Variants in YTHDC2 observed in about 807,000 individuals in gnomAD.
The protein encoded by YTHDC2 is 3'-5' RNA helicase YTHDC2.
A neutral mutation model predicts 174.9 loss-of-function variants in YTHDC2; 45 were observed. The observed-to-expected ratio is 0.26, with a 90% CI of 0.20 to 0.33. The LOEUF is 0.33. YTHDC2 is among the 10% of genes least tolerant of loss of function. YTHDC2 has a pLI of 1.00. For missense variants in YTHDC2, 1,650 were observed against 1,723.7 expected (o/e 0.96, Z 0.76); for synonymous variants, 657 against 574.5 (o/e 1.14, Z -2.05).
At chr5:113,551,674 G>A (rs1383646922) in intron 12 of YTHDC2, among the ~76,000 whole-genome samples, 1 of 152,110 alleles carries the variant, frequency 6.6e-6, no homozygotes, top group Non-Finnish European at 1.5e-5. Flanking sequence ...GTTGATGGGT[G>A]CAGCAAACTA....
At chr5:113,561,957 G>GGTGGGTGGGTGTGTGTGTGTGTGT (rs1347716150) in intron 18 of YTHDC2, among the ~76,000 whole-genome samples, 2 of 134,872 alleles carry the variant, frequency 1.5e-5, no homozygotes, top group Non-Finnish European at 3.1e-5. Flanking sequence ...ATTAATTGTG[G>GGTGGGTGGGTGTGTGTGTGTGTGT]GTGTGTGTGT....
rs1779041625 is a variant in YTHDC2, at chr5:113,592,189, G to C, written c.4212+11G>C. The C allele has an allele frequency of 1.3e-6, 2 of 1,516,232 alleles. No individual in the cohort carries two copies. The highest frequency in any genetic ancestry group is 1.8e-6 in the Non-Finnish European group (2 of 1,141,492). 93.9% of individuals were successfully genotyped at this position (1,516,232 alleles called of 1,614,324 possible). On this transcript the variant is annotated intron_variant, in intron 28 of 29. Coordinates refer to ENST00000161863, the MANE Select transcript of YTHDC2 (RefSeq NM_022828.5). ...AGCAGGGATGGGCAGGTATACAATG[G>C]CATTTTTTTTTTTATTTACTTTTGT... is the stretch of plus-strand genomic sequence containing the variant.
At chr5:113,529,577 G>T (rs1422095828) in intron 4 of YTHDC2, among the ~76,000 whole-genome samples, 1 of 152,034 alleles carries the variant, frequency 6.6e-6, no homozygotes, top group Non-Finnish European at 1.5e-5. Context: ...TTATCAAGCT[G>T]ATAAGCTTGA....
At chr5:113,567,536 TG>T in intron 22 of YTHDC2, 117 bp from the exon 23 acceptor site, 10 of 866,134 alleles carry the variant, frequency 1.2e-5, no homozygotes, top group Non-Finnish European at 1.5e-5. Context: ...TTTTAATTTT[TG>T]CTTACGTACT....
intron 1 of YTHDC2, chr5:113,514,371 C>G: frequency 3.2e-6 from 2 of 630,802 alleles, no homozygotes; most frequent in Non-Finnish European, 3.0e-6. Flanking sequence ...GTTAAGCCAC[C>G]GTGTTTCAGA....
At chr5:113,567,964 G>A in intron 23 of YTHDC2, 115 bp downstream of exon 23, 1 of 799,284 alleles carries the variant, frequency 1.3e-6, no homozygotes, top group Non-Finnish European at 1.8e-6. Context: ...TATAGTAGCA[G>A]CTCTATTTTG....
At chr5:113,593,143 C>T in intron 28 of YTHDC2, 160 bp from the exon 29 acceptor site, 1 of 496,192 alleles carries the variant, frequency 2.0e-6, no homozygotes, top group East Asian at 3.0e-5. Flanking sequence ...AACCTTAAAG[C>T]AAAGAATTAG....
chr5:113,586,067 T>C (rs764788330), intron 26 of YTHDC2, among the ~76,000 whole-genome samples: 4 of 152,084 alleles, frequency 2.6e-5, no homozygotes, highest in Non-Finnish European at 5.9e-5. Context: ...ATATTTAGCT[T>C]TACAAGAAAC....
At chr5:113,556,540 T>C (rs1342382740) in intron 17 of YTHDC2, among the ~76,000 whole-genome samples, 2 of 152,218 alleles carry the variant, frequency 1.3e-5, no homozygotes, top group South Asian at 4.1e-4. Flanking sequence ...GTCCTACTAA[T>C]ACATTAACCT....
rs1778403147 is a variant in YTHDC2 at position 113,581,548 on chromosome 5, T to C, written c.3486T>C (p.Thr1162=). The C allele has an allele frequency of 5.0e-6, 8 of 1,613,916 alleles. No individual in the cohort carries two copies. The highest frequency in any genetic ancestry group is 6.8e-6 in the Non-Finnish European group (8 of 1,179,908). ...TIRAIIAVLS[T]EEQSAGLQQP... The stretch of plus-strand genomic sequence containing the variant: ...GAGCAATTATAGCTGTTTTAAGCAC[T>C]GAAGAACAGTCTGCAGGTTTACAAC... Residue 1162 remains threonine (T), a synonymous_variant, in exon 25 of 30, where the codon ACT becomes ACC. Transcript: ENST00000161863.
At chr5:113,563,273 C>G in intron 18 of YTHDC2, 100 bp from the exon 19 acceptor site, 1 of 974,710 alleles carries the variant, frequency 1.0e-6, no homozygotes, top group Non-Finnish European at 1.5e-6. Context: ...AGAGACTCTA[C>G]TAGTCTGTGT....
chr5:113,581,208 A>G lies in YTHDC2; in HGVS notation c.3355-209A>G, dbSNP rs1580640079. Reference sequence around the variant, plus strand: ...TGTTTACTGTCTTTCTTATTAGACTATTTAATTTGATTTTGTGTCTTAGTG... The same window carrying G: ...TGTTTACTGTCTTTCTTATTAGACTGTTTAATTTGATTTTGTGTCTTAGTG... On this transcript the variant is annotated intron_variant, in intron 24 of 29. Coordinates refer to ENST00000161863, the MANE Select transcript of YTHDC2 (RefSeq NM_022828.5). 3 of 430,976 alleles carry G rather than the reference A, an allele frequency of 7.0e-6. No homozygotes were observed. The East Asian group carries it at 1.1e-4, about 16-fold the overall frequency. The allele number at this position is 430,976 out of a possible 1,614,324, so 26.7% of individuals were successfully genotyped here.
At chr5:113,573,541 G>T (rs531441096) in intron 23 of YTHDC2, among the ~76,000 whole-genome samples, 1 of 152,056 alleles carries the variant, frequency 6.6e-6, no homozygotes, top group South Asian at 2.1e-4. Flanking sequence ...GGAAGTTCTG[G>T]ATGATATCCT....
intron 10 of YTHDC2, among the ~76,000 whole-genome samples, chr5:113,545,531 A>C (rs1327340993): frequency 1.3e-4 from 19 of 151,684 alleles, no homozygotes; most frequent in Admixed American, 1.2e-3. Flanking sequence ...AGATACTTCT[A>C]ATATGCCCCA....
intron 23 of YTHDC2, among the ~76,000 whole-genome samples, chr5:113,571,812 G>A (rs1057228882): frequency 3.9e-5 from 6 of 152,144 alleles, no homozygotes; most frequent in African/African-American, 1.2e-4. Context: ...CATGGGGTCA[G>A]TGGTGAGATC....
chr5:113,518,440 A>T (rs559592857), intron 2 of YTHDC2, among the ~76,000 whole-genome samples: 14 of 151,404 alleles, frequency 9.2e-5, no homozygotes, highest in African/African-American at 3.2e-4. Flanking sequence ...GGGCTCAAGC[A>T]ATCCTCCCTC....
At chr5:113,566,878 C>T (rs910718106) in intron 21 of YTHDC2, among the ~76,000 whole-genome samples, 2 of 106,424 alleles carry the variant, frequency 1.9e-5, no homozygotes, top group African/African-American at 7.3e-5. Flanking sequence ...CTAACCTGAG[C>T]AGATCTACAC....
At chr5:113,547,750 T>C (rs1177331390) in intron 10 of YTHDC2, among the ~76,000 whole-genome samples, 1 of 152,216 alleles carries the variant, frequency 6.6e-6, no homozygotes, top group East Asian at 1.9e-4. Context: ...ATGGATACCA[T>C]GTTTCAGAGT....
intron 4 of YTHDC2, 41 bp downstream of exon 4, chr5:113,526,826 A>AAAT (rs754909013): frequency 3.2e-4 from 47 of 146,154 alleles, no homozygotes; most frequent in East Asian, 1.4e-3. Context: ...AAAAAAAAAA[A>AAAT]ATATATATAT....
Sources: allele counts gnomAD v4.1 joint callset (sites outside exome capture counted in the v4.1 genomes callset), GRCh38; gene constraint gnomAD v4.1.1; transcripts MANE v1.5; gene names NCBI Gene and HGNC (gene_info 2026-07-23, HGNC 2026-07-21).